PRUNE2: variants seen among roughly 807,000 people sequenced by gnomAD.
The protein encoded by PRUNE2 is prune homolog 2 with BCH domain.
A neutral mutation model predicts 252.0 loss-of-function variants in PRUNE2; 164 were observed. The observed-to-expected ratio is 0.65, with a 90% CI of 0.57 to 0.74. The LOEUF (loss-of-function observed/expected upper bound fraction) is 0.74. PRUNE2 is among the 30% of genes least tolerant of loss of function. The pLI is 0.00. For synonymous variants in PRUNE2, 1,292 were observed against 1,350.2 expected, an observed-to-expected ratio of 0.96 and a Z score of 0.94; for missense variants, 3,495 against 3,711.0, an observed-to-expected ratio of 0.94 and a Z score of 1.51.
chr9:76,750,661 T>C (rs961447205), intron 6 of PRUNE2, among the ~76,000 whole-genome samples: 1 of 152,188 alleles, frequency 6.6e-6, no homozygotes, highest in African/African-American at 2.4e-5. Context: ...CATGGGCTAG[T>C]CTTGATTGCT....
At chr9:76,862,778 T>C (rs1430514212) in intron 1 of PRUNE2, 1 of 152,234 alleles carries the variant, frequency 6.6e-6, no homozygotes, top group African/African-American at 2.4e-5. Context: ...CTTCTCTCTG[T>C]ACTTCTATGA....
At chr9:76,656,719 C>T (rs767197787) in intron 9 of PRUNE2, among the ~76,000 whole-genome samples, 1 of 152,160 alleles carries the variant, frequency 6.6e-6, no homozygotes, top group Admixed American at 6.5e-5. Context: ...GGAGCTAATA[C>T]AATGACCCCT....
chr9:76,676,619 T>C (rs191411744), intron 9 of PRUNE2, among the ~76,000 whole-genome samples: 204 of 152,286 alleles, frequency 1.3e-3, no homozygotes, highest in Admixed American at 2.0e-3. Context: ...TTTTAAAATA[T>C]GAACATGTGG....
chr9:76,859,025 A>AG (rs1282655743), intron 1 of PRUNE2, among the ~76,000 whole-genome samples: 1 of 152,204 alleles, frequency 6.6e-6, no homozygotes, highest in Non-Finnish European at 1.5e-5. Flanking sequence ...AAGCACACCA[A>AG]GCATCAAGGA....
chr9:76,673,055 G>A (rs2041829525), intron 9 of PRUNE2, among the ~76,000 whole-genome samples: 1 of 151,676 alleles, frequency 6.6e-6, no homozygotes, highest in Admixed American at 6.6e-5. Context: ...ACTAAAATCA[G>A]AGCAGAACTG....
rs1027914470 is a variant in PRUNE2, at chr9:76,719,963, C to T, written c.757-6242G>A. Reference sequence around the variant, plus strand: ...TGTCCAGCCTAGAAATATATCCTAACGAAATAATCATATATGTACACAAAG... The same window carrying T: ...TGTCCAGCCTAGAAATATATCCTAATGAAATAATCATATATGTACACAAAG... On this transcript the variant is annotated intron_variant, in intron 6 of 18. Coordinates refer to ENST00000376718, the MANE Select transcript of PRUNE2 (RefSeq NM_015225.3). Among the ~76,000 whole-genome samples, 7 of 152,176 alleles carry T rather than the reference C, an allele frequency of 4.6e-5. 1 individual carries two copies. The highest frequency in any genetic ancestry group is 4.2e-4 in the South Asian group (2 of 4,818).
intron 9 of PRUNE2, among the ~76,000 whole-genome samples, chr9:76,657,733 A>C (rs1407374214): frequency 6.6e-6 from 1 of 152,380 alleles, no homozygotes; most frequent in Non-Finnish European, 1.5e-5. Flanking sequence ...CTCCACTTAA[A>C]ACATAGTACA....
intron 4 of PRUNE2, among the ~76,000 whole-genome samples, chr9:76,841,381 C>T (rs1293864132): frequency 6.6e-6 from 1 of 152,234 alleles, no homozygotes; most frequent in East Asian, 1.9e-4. Flanking sequence ...AAGTGCAAAA[C>T]TGAGTGGCCA....
Position 76,710,384 on chromosome 9 carries a change from A to G in PRUNE2, c.1890T>C (p.Tyr630=). 1.2e-6 allele frequency: 2 copies of G among 1,613,958 alleles called. No homozygotes were observed. The highest frequency in any genetic ancestry group is 1.7e-6 in the Non-Finnish European group (2 of 1,179,878). ...TTGCTTTTTGGGTCATATCTTCTGT[A>G]TAGAGTGAGGCTGGTTCTTCAGTGG... ...SPSTEEPASL[Y]TEDMTQKATD... Residue 630 remains tyrosine (Y), a synonymous_variant, in exon 8 of 19, where the codon TAT becomes TAC. Coordinates refer to ENST00000376718, the MANE Select transcript of PRUNE2 (RefSeq NM_015225.3).
chr9:76,687,832 TAA>T (rs202188072), intron 9 of PRUNE2, among the ~76,000 whole-genome samples: 15,490 of 152,132 alleles, frequency 0.1, 1,071 homozygotes, highest in African/African-American at 0.2. Flanking sequence ...CAGGAGGGGC[TAA>T]AAGACATGAG....
intron 4 of PRUNE2, among the ~76,000 whole-genome samples, chr9:76,830,665 G>GA (rs1268823852): frequency 2.2e-3 from 197 of 88,466 alleles, no homozygotes; most frequent in Middle Eastern, 0.015. Context: ...AACAAAAAAA[G>GA]AAAAAAAAAA....
At chr9:76,852,301 G>A (rs1008144970) in intron 2 of PRUNE2, among the ~76,000 whole-genome samples, 6 of 152,238 alleles carry the variant, frequency 3.9e-5, no homozygotes, top group Admixed American at 6.5e-5. Flanking sequence ...CCTAATGAAT[G>A]GAGGGTTCTA....
intron 6 of PRUNE2, among the ~76,000 whole-genome samples, chr9:76,746,516 T>A (rs1434399041): frequency 6.6e-6 from 1 of 151,072 alleles, no homozygotes; most frequent in Non-Finnish European, 1.5e-5. Flanking sequence ...CCATCCTGGC[T>A]AACAAGGTGA....
At chr9:76,801,802 T>G (rs1212523171) in intron 6 of PRUNE2, among the ~76,000 whole-genome samples, 2 of 152,266 alleles carry the variant, frequency 1.3e-5, no homozygotes, top group African/African-American at 4.8e-5. Context: ...GTCAAAGCCA[T>G]CAGTGCTGCG....
At chr9:76,642,104 C>A (rs538915423) in intron 12 of PRUNE2, 101 of 747,566 alleles carry the variant, frequency 1.4e-4, no homozygotes, top group Admixed American at 1.2e-3. Context: ...GCTCCAAGTT[C>A]AAAAAAAAAG....
intron 9 of PRUNE2, among the ~76,000 whole-genome samples, chr9:76,686,957 G>A (rs1315564208): frequency 6.6e-6 from 1 of 151,990 alleles, no homozygotes; most frequent in Non-Finnish European, 1.5e-5. Context: ...CCCAGCCTGG[G>A]GTCAAACTCC....
At chr9:76,716,061 A>G (rs1449215788) in intron 6 of PRUNE2, among the ~76,000 whole-genome samples, 2 of 148,506 alleles carry the variant, frequency 1.3e-5, no homozygotes, top group Non-Finnish European at 3.0e-5. Context: ...ATTTTTACAT[A>G]TAACAAAATT....
At chr9:76,892,138 T>C (rs2062520779) in intron 1 of PRUNE2, among the ~76,000 whole-genome samples, 1 of 152,192 alleles carries the variant, frequency 6.6e-6, no homozygotes, top group African/African-American at 2.4e-5. Flanking sequence ...CTGTTACGCT[T>C]GTCTCAACTC....
rs907252281 is a variant in PRUNE2 at position 76,652,397 on chromosome 9, T to C, written c.8557+86A>G. 84 of 879,586 alleles carry C rather than the reference T, an allele frequency of 9.5e-5. No homozygotes were observed. In the African/African-American group the frequency reaches 1.3e-3, roughly 13 times the overall value. The allele number at this position is 879,586 out of a possible 1,614,324, so 54.5% of individuals were successfully genotyped here. A position where few individuals can be genotyped will look rare whatever the true frequency, so the allele number is the denominator to read the frequency against. ...AAGCTTCTAGAAATCACAAAAAGGA[T>C]CCACTGGCACAAAAATGAGAGGTCT... is the stretch of plus-strand genomic sequence containing the variant. On this transcript the variant is annotated intron_variant, in intron 11 of 18. Transcript: ENST00000376718.
Sources: gnomAD v4.1 joint callset for allele counts (sites outside exome capture counted in the v4.1 genomes callset) on GRCh38, gnomAD v4.1.1 for gene constraint, MANE v1.5 for transcripts, NCBI Gene and HGNC (gene_info 2026-07-23, HGNC 2026-07-21) for gene names.